CNTN4: variants seen among roughly 807,000 people sequenced by gnomAD.
The protein encoded by CNTN4 is contactin 4.
Under a neutral mutation model 122.5 loss-of-function variants are expected in CNTN4, and 77 were observed. The observed-to-expected ratio is 0.63, with a 90% CI of 0.52 to 0.76. The LOEUF (loss-of-function observed/expected upper bound fraction) is 0.76. Among genes scored for constraint, CNTN4 ranks in the 30% least tolerant of loss-of-function variants. The pLI, the probability that CNTN4 is intolerant of heterozygous loss-of-function variation, is 0.00. For synonymous variants in CNTN4, 512 were observed against 447.0 expected (o/e 1.15, Z -1.83); for missense variants, 1,256 against 1,259.1 (o/e 1.00, Z 0.04).
intron 4 of CNTN4, among the ~76,000 whole-genome samples, chr3:2,733,538 T>G (rs886939566): frequency 2.2e-5 from 3 of 137,794 alleles, no homozygotes; most frequent in Non-Finnish European, 4.7e-5. Context: ...TTGTGTTTTT[T>G]TTTTTTTTTT....
intron 4 of CNTN4, among the ~76,000 whole-genome samples, chr3:2,616,160 C>G (rs1005514104): frequency 5.3e-5 from 8 of 151,842 alleles, no homozygotes; most frequent in African/African-American, 1.9e-4. Flanking sequence ...CCCATCCCCC[C>G]AACAGGCCCA....
chr3:2,918,290 A>G (rs1395815444), intron 12 of CNTN4, among the ~76,000 whole-genome samples: 1 of 152,226 alleles, frequency 6.6e-6, no homozygotes, highest in Non-Finnish European at 1.5e-5. Flanking sequence ...ACAAAGCCTC[A>G]GGGAACACAT....
At chr3:2,192,422 G>A (rs1282571558) in intron 2 of CNTN4, among the ~76,000 whole-genome samples, 1 of 152,018 alleles carries the variant, frequency 6.6e-6, no homozygotes, top group Non-Finnish European at 1.5e-5. Flanking sequence ...GATCTCCATT[G>A]TAACTGGTGG....
chr3:2,435,892 G>T (rs1232319004), intron 3 of CNTN4, among the ~76,000 whole-genome samples: 1 of 152,068 alleles, frequency 6.6e-6, no homozygotes, highest in Admixed American at 6.5e-5. Context: ...CTATTCCCTT[G>T]TAATTAATTT....
intron 2 of CNTN4, among the ~76,000 whole-genome samples, chr3:2,199,685 G>C (rs1408717308): frequency 6.6e-6 from 1 of 152,196 alleles, no homozygotes; most frequent in Non-Finnish European, 1.5e-5. Context: ...TGTTCTCCTA[G>C]AGTGTGCATT....
intron 6 of CNTN4, among the ~76,000 whole-genome samples, chr3:2,763,155 C>T (rs2090674987): frequency 2.0e-5 from 3 of 152,048 alleles, no homozygotes; most frequent in Admixed American, 2.0e-4. Flanking sequence ...CCATGTTAGC[C>T]AGGATGGTTT....
intron 12 of CNTN4, among the ~76,000 whole-genome samples, chr3:2,924,206 A>G (rs113618303): frequency 2.4e-4 from 36 of 152,288 alleles, no homozygotes; most frequent in African/African-American, 7.5e-4. Flanking sequence ...TTCCACAACA[A>G]AAGAATGTAA....
rs144941913 is a variant in CNTN4, at chr3:2,654,723, GT to G, written c.56-81486del. ...TTATATGCTGCTTCCCTTTGGGCCT[GT>G]TTTTTCCCCCCAGTCCTTTCTTACC... is the stretch of plus-strand genomic sequence containing the variant. On this transcript the variant is annotated intron_variant, in intron 4 of 24. Coordinates refer to ENST00000418658, the MANE Select transcript of CNTN4 (RefSeq NM_175607.3). Among the ~76,000 whole-genome samples the G allele has an allele frequency of 7.1e-3, 1,081 of 152,196 alleles. 19 individuals carry two copies. Among genetic ancestry groups the G allele is most frequent in the African/African-American group, 0.025 (1,028 of 41,542 alleles).
chr3:2,126,708 C>T (rs1268042135), intron 2 of CNTN4, among the ~76,000 whole-genome samples: 1 of 152,158 alleles, frequency 6.6e-6, no homozygotes, highest in Non-Finnish European at 1.5e-5. Flanking sequence ...AATATAACTT[C>T]AAACCTGTTT....
chr3:2,555,025 GCTAA>G lies in CNTN4; in HGVS notation c.-88-16388_-88-16385del. Among the ~76,000 whole-genome samples, 3 of 152,250 alleles carry G rather than the reference GCTAA, an allele frequency of 2.0e-5. No homozygotes were observed. In the East Asian group the frequency reaches 5.8e-4, roughly 29 times the overall value. ...ACAATAAAGTGATCTGTCTCTGTTG[GCTAA>G]CTCAGTTCCCCAGAACACATGTGAC... On this transcript the variant is annotated intron_variant, in intron 3 of 24. Transcript: ENST00000418658.
intron 2 of CNTN4, among the ~76,000 whole-genome samples, chr3:2,253,382 A>T (rs757273541): frequency 6.6e-6 from 1 of 152,124 alleles, no homozygotes; most frequent in Non-Finnish European, 1.5e-5. Context: ...TATTTATGAG[A>T]GCTGAGACCA....
chr3:2,296,611 A>G (rs1217521797), intron 2 of CNTN4, among the ~76,000 whole-genome samples: 1 of 152,168 alleles, frequency 6.6e-6, no homozygotes, highest in African/African-American at 2.4e-5. Context: ...GGGTGCGTAG[A>G]TACAAATGTT....
intron 2 of CNTN4, among the ~76,000 whole-genome samples, chr3:2,146,705 A>C (rs1470141776): frequency 2.0e-5 from 3 of 152,162 alleles, no homozygotes; most frequent in South Asian, 2.1e-4. Context: ...GACTCTTCAG[A>C]CAGAGAGGTC....
chr3:2,948,128 C>CTATTAAAGTTAATTTACTATATA (rs2094698643), intron 13 of CNTN4, among the ~76,000 whole-genome samples: 1 of 152,186 alleles, frequency 6.6e-6, no homozygotes, highest in Non-Finnish European at 1.5e-5. Context: ...CTTAATTAAA[C>CTATTAAAGTTAATTTACTATATA]AAGTTACTAT....
intron 3 of CNTN4, among the ~76,000 whole-genome samples, chr3:2,550,030 G>A (rs189277340): frequency 1.8e-4 from 27 of 152,048 alleles, no homozygotes; most frequent in South Asian, 8.3e-4. Flanking sequence ...ATATTTCTGC[G>A]GTGTCAGTGT....
chr3:2,669,089 G>C (rs1229577919), intron 4 of CNTN4, among the ~76,000 whole-genome samples: 1 of 152,138 alleles, frequency 6.6e-6, no homozygotes, highest in Non-Finnish European at 1.5e-5. Flanking sequence ...TTGGTATCAG[G>C]ATGATGCTGG....
At chr3:2,337,644 C>G (rs2044009357) in intron 2 of CNTN4, among the ~76,000 whole-genome samples, 1 of 151,932 alleles carries the variant, frequency 6.6e-6, no homozygotes, top group Non-Finnish European at 1.5e-5. Flanking sequence ...TATCCCGGAG[C>G]TTATGTTCTC....
chr3:2,470,127 A>G (rs949163859), intron 3 of CNTN4, among the ~76,000 whole-genome samples: 18 of 151,582 alleles, frequency 1.2e-4, no homozygotes, highest in Admixed American at 4.6e-4. Context: ...GTGCAGTGGC[A>G]GAATCTCAGC....
chr3:2,443,326 C>G (rs1414202923), intron 3 of CNTN4, among the ~76,000 whole-genome samples: 3 of 152,224 alleles, frequency 2.0e-5, no homozygotes, highest in Non-Finnish European at 4.4e-5. Context: ...TAGGAAATGA[C>G]ACAGAAAATG....
Sources: allele counts gnomAD v4.1 joint callset (sites outside exome capture counted in the v4.1 genomes callset), GRCh38; gene constraint gnomAD v4.1.1; transcripts MANE v1.5; gene names NCBI Gene and HGNC (gene_info 2026-07-23, HGNC 2026-07-21).